RIT2: variants seen among roughly 807,000 people sequenced by gnomAD.
The protein encoded by RIT2 is GTP-binding protein Rit2.
Under a neutral mutation model 23.7 loss-of-function variants are expected in RIT2, and 24 were observed. That is an observed-to-expected ratio of 1.01 (90% CI 0.73 to 1.43). RIT2 has a LOEUF of 1.43. RIT2 is among the 40% of genes most tolerant of loss of function. The pLI, the probability that RIT2 is intolerant of heterozygous loss-of-function variation, is 0.00. For missense variants in RIT2, 236 were observed against 266.9 expected (o/e 0.88, Z 0.81); for synonymous variants, 107 against 91.1 (o/e 1.17, Z -0.99).
intron 4 of RIT2, among the ~76,000 whole-genome samples, chr18:42,865,322 C>T (rs1907441150): frequency 6.6e-6 from 1 of 152,172 alleles, no homozygotes; most frequent in South Asian, 2.1e-4. Context: ...TCCCTGTGTT[C>T]TGCAAATCCA....
intron 4 of RIT2, among the ~76,000 whole-genome samples, chr18:42,876,240 A>G (rs748081058): frequency 2.1e-4 from 32 of 152,080 alleles, no homozygotes; most frequent in Non-Finnish European, 3.4e-4. Flanking sequence ...ACAATAACCA[A>G]TATTACATAA....
At chr18:43,011,275 A>C (rs1346157439) in intron 2 of RIT2, among the ~76,000 whole-genome samples, 1 of 151,764 alleles carries the variant, frequency 6.6e-6, no homozygotes, top group Non-Finnish European at 1.5e-5. Context: ...AGTGGAACAG[A>C]ATACAGAAAG....
chr18:42,996,500 A>G (rs1910986731), intron 2 of RIT2, among the ~76,000 whole-genome samples: 2 of 152,028 alleles, frequency 1.3e-5, no homozygotes, highest in Admixed American at 1.3e-4. Flanking sequence ...ATTCCACCAC[A>G]AAAGAAATGA....
At chr18:43,031,945 T>G (rs1196682078) in intron 2 of RIT2, among the ~76,000 whole-genome samples, 1 of 152,110 alleles carries the variant, frequency 6.6e-6, no homozygotes, top group Non-Finnish European at 1.5e-5. Flanking sequence ...GTTACAGTTA[T>G]GTAGCAGAAG....
chr18:42,821,434 G>T (rs1384179703), intron 4 of RIT2, among the ~76,000 whole-genome samples: 1 of 152,098 alleles, frequency 6.6e-6, no homozygotes, highest in East Asian at 1.9e-4. Context: ...GGATGATAAG[G>T]CCGTAACTGT....
chr18:42,749,882 G>A (rs1913006273), intron 4 of RIT2, among the ~76,000 whole-genome samples: 1 of 151,742 alleles, frequency 6.6e-6, no homozygotes, highest in African/African-American at 2.4e-5. Context: ...GTAGATGTAT[G>A]CAACAAAGAC....
chr18:42,971,616 C>T (rs1910362672), intron 3 of RIT2, among the ~76,000 whole-genome samples: 1 of 152,060 alleles, frequency 6.6e-6, no homozygotes, highest in African/African-American at 2.4e-5. Flanking sequence ...TGTCTTAAAG[C>T]AACTAGTGTT....
chr18:42,919,852 C>A lies in RIT2; in HGVS notation c.426+3720G>T, dbSNP rs148388352. 1.9e-4 allele frequency among the ~76,000 whole-genome samples: 29 copies of A among 152,178 alleles called. 1 individual carries two copies. The East Asian group carries it at 5.0e-3, about 26-fold the overall frequency. On this transcript the variant is annotated intron_variant, in intron 4 of 4. Transcript: ENST00000326695. ...GTTTTGGAAAAAGAGAAATCCGGGC[C>A]TATCTCCTTCTATTCTCCAGTGGGA...
In RIT2 at chr18:42,960,129, C is replaced by A. The variant is rs146918217; in HGVS notation, c.234+13945G>T. Among the ~76,000 whole-genome samples the A allele has an allele frequency of 3.2e-4, 48 of 152,256 alleles. 1 individual carries two copies. The highest frequency in any genetic ancestry group is 2.5e-3 in the Admixed American group (38 of 15,280). Reference sequence around the variant, plus strand: ...TAGATTCCCAAGGACACAGGATCTTCATAAAGGGCTACTTTTCTCGGCATC... The same window carrying A: ...TAGATTCCCAAGGACACAGGATCTTAATAAAGGGCTACTTTTCTCGGCATC... On this transcript the variant is annotated intron_variant, in intron 3 of 4. Coordinates refer to ENST00000326695, the MANE Select transcript of RIT2 (RefSeq NM_002930.4).
intron 2 of RIT2, among the ~76,000 whole-genome samples, chr18:42,987,289 G>T (rs1229365348): frequency 6.6e-6 from 1 of 152,134 alleles, no homozygotes; most frequent in African/African-American, 2.4e-5. Flanking sequence ...AATAATAATA[G>T]ATGTGATGTG....
intron 4 of RIT2, among the ~76,000 whole-genome samples, chr18:42,789,999 C>G (rs1158016331): frequency 6.6e-6 from 1 of 152,138 alleles, no homozygotes; most frequent in East Asian, 1.9e-4. Context: ...TATATTCCTT[C>G]TATTCCTAGT....
intron 3 of RIT2, among the ~76,000 whole-genome samples, chr18:42,944,164 T>C (rs567097643): frequency 2.0e-5 from 3 of 152,224 alleles, no homozygotes; most frequent in African/African-American, 7.2e-5. Context: ...CCTGGGGCCA[T>C]ATGCAGACTG....
chr18:42,754,457 A>G (rs1237211620), intron 4 of RIT2, among the ~76,000 whole-genome samples: 1 of 152,114 alleles, frequency 6.6e-6, no homozygotes, highest in Non-Finnish European at 1.5e-5. Flanking sequence ...ACATATTTTT[A>G]TGCCTTTGCG....
At chr18:42,903,489 C>T (rs1908531159) in intron 4 of RIT2, among the ~76,000 whole-genome samples, 6 of 152,100 alleles carry the variant, frequency 3.9e-5, no homozygotes, top group African/African-American at 1.4e-4. Flanking sequence ...AGTATAAATG[C>T]ATTTTTTAGT....
At chr18:42,963,818 C>T (rs1479600402) in intron 3 of RIT2, among the ~76,000 whole-genome samples, 1 of 152,106 alleles carries the variant, frequency 6.6e-6, no homozygotes, top group African/African-American at 2.4e-5. Context: ...ATCACTTGAA[C>T]CCAGGAGGTG....
chr18:42,883,018 A>T (rs1391510081), intron 4 of RIT2, among the ~76,000 whole-genome samples: 4 of 152,210 alleles, frequency 2.6e-5, no homozygotes, highest in African/African-American at 9.7e-5. Context: ...GAATTAAAGA[A>T]AATTTCTCAC....
chr18:43,099,555 T>C (rs1250476394), intron 1 of RIT2, among the ~76,000 whole-genome samples: 1 of 152,100 alleles, frequency 6.6e-6, no homozygotes, highest in East Asian at 1.9e-4. Flanking sequence ...TTTATTTGGA[T>C]TATTAAATTT....
intron 4 of RIT2, among the ~76,000 whole-genome samples, chr18:42,744,674 G>T (rs553574084): frequency 1.2e-4 from 18 of 152,174 alleles, no homozygotes; most frequent in African/African-American, 4.3e-4. Context: ...CACATGCTGG[G>T]CACATGTTTA....
chr18:42,924,342 ATTTG>A (rs1340571476), intron 3 of RIT2, among the ~76,000 whole-genome samples: 1 of 151,980 alleles, frequency 6.6e-6, no homozygotes, highest in Non-Finnish European at 1.5e-5. Context: ...AGATCCAGTT[ATTTG>A]TTTGGGTATT....
Sources: allele counts gnomAD v4.1 joint callset (sites outside exome capture counted in the v4.1 genomes callset), GRCh38; gene constraint gnomAD v4.1.1; transcripts MANE v1.5; gene names NCBI Gene and HGNC (gene_info 2026-07-23, HGNC 2026-07-21).